The following CDH18 variants were observed in gnomAD, a reference collection of about 807,000 sequenced individuals.
CDH18 encodes the protein cadherin 18.
Under a neutral mutation model 67.9 loss-of-function variants are expected in CDH18, and 31 were observed. The observed-to-expected ratio is 0.46, with a 90% confidence interval of 0.34 to 0.62. The LOEUF is 0.62. Among genes scored for constraint, CDH18 ranks in the 20% least tolerant of loss-of-function variants. The pLI is 0.01. For synonymous variants in CDH18, 362 were observed against 347.2 expected, an observed-to-expected ratio of 1.04 and a Z score of -0.48; for missense variants, 890 against 975.5, an observed-to-expected ratio of 0.91 and a Z score of 1.17.
chr5:20,161,581 T>A (rs1580375565), intron 2 of CDH18, among the ~76,000 whole-genome samples: 1 of 152,190 alleles, frequency 6.6e-6, no homozygotes. Context: ...GTTCTCATTA[T>A]CTCTTTTTGT....
At chr5:20,069,703 G>A (rs1334025575) in intron 2 of CDH18, among the ~76,000 whole-genome samples, 3 of 151,966 alleles carry the variant, frequency 2.0e-5, no homozygotes, top group African/African-American at 4.8e-5. Flanking sequence ...GAGCCACTGC[G>A]CCCAGCCATT....
intron 1 of CDH18, among the ~76,000 whole-genome samples, chr5:20,488,700 T>TATATATATATATATATATATAC (rs369185147): frequency 5.9e-4 from 81 of 137,238 alleles, no homozygotes; most frequent in African/African-American, 2.1e-3. Flanking sequence ...TATATATATA[T>TATATATATATATATATATATAC]ACACACACAT....
intron 1 of CDH18, among the ~76,000 whole-genome samples, chr5:20,484,467 A>T (rs1753034065): frequency 6.6e-6 from 1 of 152,086 alleles, no homozygotes; most frequent in Non-Finnish European, 1.5e-5. Context: ...TATGGAAAGG[A>T]TATCTGCCCT....
chr5:20,181,414 A>G (rs1737676449), intron 2 of CDH18, among the ~76,000 whole-genome samples: 1 of 152,090 alleles, frequency 6.6e-6, no homozygotes, highest in East Asian at 1.9e-4. Context: ...GCCTTTTGGG[A>G]GGAGACCCTA....
intron 2 of CDH18, among the ~76,000 whole-genome samples, chr5:20,240,548 C>G (rs898035408): frequency 2.0e-5 from 3 of 152,134 alleles, no homozygotes; most frequent in Admixed American, 6.5e-5. Context: ...GTTTTAAATG[C>G]ATTGCTTCAA....
intron 2 of CDH18, among the ~76,000 whole-genome samples, chr5:20,151,455 T>C (rs1751095137): frequency 6.6e-6 from 1 of 152,162 alleles, no homozygotes; most frequent in Non-Finnish European, 1.5e-5. Flanking sequence ...AACATACATA[T>C]GCATGTGTCT....
chr5:20,199,310 G>A (rs1323080021), intron 2 of CDH18, among the ~76,000 whole-genome samples: 2 of 152,214 alleles, frequency 1.3e-5, no homozygotes, highest in African/African-American at 2.4e-5. Flanking sequence ...CCCACCTCTT[G>A]CATCAACGTG....
At chr5:19,528,360 G>A (rs545270449) in intron 9 of CDH18, among the ~76,000 whole-genome samples, 109 of 151,272 alleles carry the variant, frequency 7.2e-4, no homozygotes, top group Non-Finnish European at 1.3e-3. Context: ...TAACAAAATG[G>A]ATTATAAGTT....
chr5:19,893,660 C>T lies in CDH18; in HGVS notation c.-256-54418G>A, dbSNP rs535778776. ...AGGGGGAATATTAGGGAGGGCACAA[C>T]TGTAGGGGAACTTCAGTCTTGCTTA... On this transcript the variant is annotated intron_variant, in intron 2 of 12. Coordinates refer to ENST00000382275, the MANE Select transcript of CDH18 (RefSeq NM_004934.5). 4.6e-5 allele frequency among the ~76,000 whole-genome samples: 7 copies of T among 152,082 alleles called. No homozygotes were observed. In the South Asian group the frequency reaches 1.5e-3, roughly 32 times the overall value.
chr5:20,261,092 T>C (rs982072891), intron 1 of CDH18, among the ~76,000 whole-genome samples: 40 of 152,302 alleles, frequency 2.6e-4, no homozygotes, highest in African/African-American at 9.6e-4. Flanking sequence ...TCAACCTTCA[T>C]AATAACATTA....
intron 1 of CDH18, among the ~76,000 whole-genome samples, chr5:20,535,274 T>C (rs1756648237): frequency 6.6e-6 from 1 of 152,106 alleles, no homozygotes; most frequent in South Asian, 2.1e-4. Context: ...CTTTTAGAAG[T>C]CACTTTTATT....
chr5:20,005,455 A>G (rs78269611), intron 2 of CDH18, among the ~76,000 whole-genome samples: 10,774 of 150,504 alleles, frequency 0.072, 424 homozygotes, highest in East Asian at 0.14. Flanking sequence ...CACACTTTCC[A>G]TGAATTGATA....
intron 1 of CDH18, among the ~76,000 whole-genome samples, chr5:19,984,377 T>A (rs1447957493): frequency 2.0e-5 from 3 of 152,052 alleles, no homozygotes; most frequent in Non-Finnish European, 4.4e-5. Context: ...ATTTTAAATG[T>A]GGATAATATG....
intron 5 of CDH18, among the ~76,000 whole-genome samples, chr5:19,676,366 G>T (rs1250864850): frequency 1.3e-5 from 2 of 151,968 alleles, no homozygotes; most frequent in African/African-American, 4.8e-5. Context: ...TACTATATAA[G>T]ATGACTGTTC....
intron 1 of CDH18, among the ~76,000 whole-genome samples, chr5:20,361,622 C>T (rs1742094607): frequency 6.6e-6 from 1 of 152,086 alleles, no homozygotes; most frequent in East Asian, 1.9e-4. Flanking sequence ...TAGTATATTA[C>T]CCTCATGAAA....
At chr5:19,590,669 A>G (rs769303639) in intron 7 of CDH18, among the ~76,000 whole-genome samples, 1 of 152,128 alleles carries the variant, frequency 6.6e-6, no homozygotes, top group African/African-American at 2.4e-5. Context: ...CCCCTTCGTC[A>G]TCCTCTCTGG....
intron 3 of CDH18, among the ~76,000 whole-genome samples, chr5:19,747,899 C>G (rs1034320185): frequency 3.3e-5 from 5 of 150,842 alleles, no homozygotes; most frequent in Admixed American, 1.3e-4. Flanking sequence ...ACGAGGTCAG[C>G]AGATCGAGAC....
rs551151959 is a variant in CDH18, at chr5:20,346,832, A to G, written c.-579-91327T>C. 3.3e-4 allele frequency among the ~76,000 whole-genome samples: 50 copies of G among 152,298 alleles called. 1 individual carries two copies. Among genetic ancestry groups the G allele is most frequent in the African/African-American group, 1.1e-3 (44 of 41,556 alleles). On this transcript the variant is annotated intron_variant, in intron 1 of 14. Transcript: ENST00000507958. ...TGCATAAACAATTCAAAATGCATCA[A>G]GTGTAATTGAACAATATGCTGAAGA...
intron 10 of CDH18, among the ~76,000 whole-genome samples, chr5:19,510,641 T>A (rs1744960076): frequency 1.3e-5 from 2 of 152,130 alleles, no homozygotes; most frequent in Admixed American, 1.3e-4. Flanking sequence ...ACCTTTTTGA[T>A]ATGGTTAGGT....
Sources: gnomAD v4.1 joint callset for allele counts (sites outside exome capture counted in the v4.1 genomes callset) on GRCh38, gnomAD v4.1.1 for gene constraint, MANE v1.5 for transcripts, NCBI Gene and HGNC (gene_info 2026-07-23, HGNC 2026-07-21) for gene names.